Variants in CTNNA2 observed in about 807,000 individuals in gnomAD.
CTNNA2 encodes the protein catenin alpha-2.
Under a neutral mutation model 101.0 loss-of-function variants are expected in CTNNA2, and 42 were observed. The ratio of observed to expected loss-of-function variants is 0.42; its 90% CI spans 0.32 to 0.54. The LOEUF (loss-of-function observed/expected upper bound fraction) is 0.54. CTNNA2 is among the 20% of genes least tolerant of loss of function. The probability of loss-of-function intolerance (pLI) is 0.14; values close to 1 mark genes in which losing one functional copy is unlikely to be tolerated. For missense variants in CTNNA2, 871 were observed against 1,223.1 expected, an observed-to-expected ratio of 0.71 and a Z score of 4.29; for synonymous variants, 450 against 456.4, an observed-to-expected ratio of 0.99 and a Z score of 0.18.
At chr2:79,512,098 A>G (rs1573207956), upstream of CTNNA2, among the ~76,000 whole-genome samples, 1 of 152,086 alleles carries the variant, frequency 6.6e-6, no homozygotes, top group Non-Finnish European at 1.5e-5. Context: ...CACTGTTAGC[A>G]CCTCTGTAAC....
At chr2:79,486,373 C>T (rs1429891091) in intron 4 of CTNNA2, among the ~76,000 whole-genome samples, 2 of 152,046 alleles carry the variant, frequency 1.3e-5, no homozygotes, top group South Asian at 2.1e-4. Context: ...TGGTTTCCAG[C>T]TTCATCCATG....
rs34019123 is a variant in CTNNA2 at position 80,146,710 on chromosome 2, G to GTTTTTTTTTTT, written c.1056+236935_1056+236945dup. Among the ~76,000 whole-genome samples, 49 of 61,764 alleles carry GTTTTTTTTTTT rather than the reference G, an allele frequency of 7.9e-4. 11 individuals carry two copies. The highest frequency in any genetic ancestry group is 1.2e-3 in the Non-Finnish European group (38 of 32,536). 40.5% of individuals were successfully genotyped at this position (61,764 alleles called of 152,430 possible). The stretch of plus-strand genomic sequence containing the variant: ...TTTCTGAAGTAGGAAGTCCCCTCTG[G>GTTTTTTTTTTT]TTTTTTTTTTTTTTTTTTTTTTTTT... On this transcript the variant is annotated intron_variant, in intron 7 of 18. Coordinates refer to ENST00000402739, the MANE Select transcript of CTNNA2 (RefSeq NM_001282597.3).
At chr2:79,491,234 ACTTTGAAGCC>A (rs1408757577) in intron 4 of CTNNA2, among the ~76,000 whole-genome samples, 1 of 152,114 alleles carries the variant, frequency 6.6e-6, no homozygotes, top group Non-Finnish European at 1.5e-5. Context: ...CTTGCATATG[ACTTTGAAGCC>A]CATCACAAAA....
At chr2:80,633,278 A>G in intron 18 of CTNNA2, among the ~76,000 whole-genome samples, 1 of 152,208 alleles carries the variant, frequency 6.6e-6, no homozygotes, top group East Asian at 1.9e-4. Flanking sequence ...GAGAATTAGA[A>G]GTTGTATTTA....
intron 2 of CTNNA2, among the ~76,000 whole-genome samples, chr2:79,258,358 G>A (rs1674875451): frequency 6.6e-6 from 1 of 152,170 alleles, no homozygotes; most frequent in Non-Finnish European, 1.5e-5. Flanking sequence ...CTCAAGTTAT[G>A]TGAACCTGCT....
chr2:79,562,875 G>C (rs1330099371), intron 1 of CTNNA2, among the ~76,000 whole-genome samples: 2 of 151,834 alleles, frequency 1.3e-5, no homozygotes, highest in Non-Finnish European at 2.9e-5. Flanking sequence ...AAACTTGGGT[G>C]TGTGTGTGTA....
At chr2:80,477,228 C>G (rs576387428) in intron 9 of CTNNA2, among the ~76,000 whole-genome samples, 1 of 152,264 alleles carries the variant, frequency 6.6e-6, no homozygotes, top group Non-Finnish European at 1.5e-5. Context: ...AGGAGAAAAA[C>G]AGGCTTTGAA....
rs80115420 is a variant in CTNNA2, at chr2:80,536,175, G to A, written c.1291-8807G>A. On this transcript the variant is annotated intron_variant, in intron 9 of 18. Coordinates refer to ENST00000402739, the MANE Select transcript of CTNNA2 (RefSeq NM_001282597.3). Reference sequence around the variant, plus strand: ...TAGGCATATATGTTAACATCTTCGTGTGTACTAATTACATCAGCACAGATA... The same window carrying A: ...TAGGCATATATGTTAACATCTTCGTATGTACTAATTACATCAGCACAGATA... 8.5e-3 allele frequency among the ~76,000 whole-genome samples: 1,299 copies of A among 152,290 alleles called. 5 individuals carry two copies. The highest frequency in any genetic ancestry group is 0.014 in the Admixed American group (211 of 15,298).
chr2:79,960,115 T>C (rs958548616), intron 7 of CTNNA2, among the ~76,000 whole-genome samples: 6 of 152,208 alleles, frequency 3.9e-5, no homozygotes, highest in Admixed American at 3.9e-4. Flanking sequence ...ATTTAGCATC[T>C]TCATAGCTAC....
In CTNNA2 at chr2:79,744,574, G is replaced by A. The variant is rs376745664; in HGVS notation, c.290G>A (p.Arg97His). 8.7e-6 allele frequency: 14 copies of A among 1,613,050 alleles called. No homozygotes were observed. Among genetic ancestry groups the A allele is most frequent in the African/African-American group, 4.0e-5 (3 of 74,866 alleles). ...TTGGTGGCTGCTGTAGAGGATGTGC[G>A]CAAACAAGGTAGGCAGAATGATATT... ...EELVAAVEDV[R>H]KQGETMRIAS... Residue 97 changes from arginine to histidine, a missense_variant, in exon 3 of 19, where the codon CGC becomes CAC. This residue lies in a region of CTNNA2 where 647 missense variants were observed against 831.5 expected (regional missense o/e 0.78). Transcript: ENST00000402739.
At position 80,518,421 on chromosome 2, in the gene CTNNA2, T is replaced by C. The variant is rs76384760; in HGVS notation, c.1291-26561T>C. ...CCAAGAACATTCCATGTCCTTCTTGTCTTTATGGATAGAGGATGATGGATG... is the reference window on the plus strand; with the variant it reads ...CCAAGAACATTCCATGTCCTTCTTGCCTTTATGGATAGAGGATGATGGATG... On this transcript the variant is annotated intron_variant, in intron 9 of 18. Transcript: ENST00000402739. Among the ~76,000 whole-genome samples, 506 of 152,298 alleles carry C rather than the reference T, an allele frequency of 3.3e-3. 4 individuals are homozygous for C. Among genetic ancestry groups the C allele is most frequent in the African/African-American group, 0.011 (477 of 41,558 alleles).
rs369725551 is a variant in CTNNA2 at position 79,845,461 on chromosome 2, G to A, written c.299-12552G>A. On this transcript the variant is annotated intron_variant, in intron 3 of 18. Transcript: ENST00000402739. ...TAGCTATGTTCATATCATCAATGGT[G>A]CGCACTAAGAGAGTAAGGACAAGAT... Among the ~76,000 whole-genome samples the A allele has an allele frequency of 5.6e-4, 86 of 152,262 alleles. No individual in the cohort carries two copies. The South Asian group carries it at 0.016, about 29-fold the overall frequency.
intron 18 of CTNNA2, among the ~76,000 whole-genome samples, chr2:80,627,175 ACG>A (rs1491241130): frequency 5.4e-5 from 7 of 129,804 alleles, no homozygotes; most frequent in Non-Finnish European, 9.0e-5. Flanking sequence ...CAATAAACAT[ACG>A]TGTGTGTGTG....
intron 3 of CTNNA2, among the ~76,000 whole-genome samples, chr2:79,342,391 T>C (rs1677157838): frequency 6.6e-6 from 1 of 152,168 alleles, no homozygotes; most frequent in Admixed American, 6.5e-5. Context: ...TGATAGAGTA[T>C]TGATGTTTGC....
At chr2:79,853,392 T>C (rs892689633) in intron 3 of CTNNA2, among the ~76,000 whole-genome samples, 1 of 152,174 alleles carries the variant, frequency 6.6e-6, no homozygotes, top group Non-Finnish European at 1.5e-5. Context: ...CTTCAGCCTC[T>C]AAGATCATCA....
At chr2:79,293,555 A>G (rs913266767) in intron 2 of CTNNA2, among the ~76,000 whole-genome samples, 3 of 152,234 alleles carry the variant, frequency 2.0e-5, no homozygotes, top group Non-Finnish European at 2.9e-5. Flanking sequence ...AAGCAATTTA[A>G]AGGCATAGAG....
chr2:80,498,499 C>G (rs1161140811), intron 9 of CTNNA2, among the ~76,000 whole-genome samples: 1 of 152,178 alleles, frequency 6.6e-6, no homozygotes, highest in Non-Finnish European at 1.5e-5. Flanking sequence ...CACCTTTCTC[C>G]CAAATGTACA....
At chr2:79,546,025 G>A (rs575303832) in intron 1 of CTNNA2, among the ~76,000 whole-genome samples, 3 of 152,112 alleles carry the variant, frequency 2.0e-5, no homozygotes, top group South Asian at 4.1e-4. Flanking sequence ...ACCCAAGATT[G>A]CCCAGCTAGT....
intron 2 of CTNNA2, among the ~76,000 whole-genome samples, chr2:79,205,797 C>A (rs576058771): frequency 6.6e-6 from 1 of 152,132 alleles, no homozygotes; most frequent in East Asian, 1.9e-4. Context: ...TGATATGATT[C>A]CATGCAACCT....
Sources: gnomAD v4.1 joint callset for allele counts (sites outside exome capture counted in the v4.1 genomes callset) on GRCh38, gnomAD v4.1.1 for gene constraint, gnomAD v4.1.1 regional missense constraint, MANE v1.5 for transcripts, NCBI Gene and HGNC (gene_info 2026-07-23, HGNC 2026-07-21) for gene names.